FBXL13: variants seen among roughly 807,000 people sequenced by gnomAD.
FBXL13 encodes the protein F-box and leucine rich repeat protein 13.
Under a neutral mutation model 83.6 loss-of-function variants are expected in FBXL13, and 67 were observed. That is an observed-to-expected ratio of 0.80 (90% CI 0.66 to 0.98). The LOEUF is 0.98. FBXL13 is among the 50% of genes least tolerant of loss of function. FBXL13 has a pLI of 0.00. For synonymous variants in FBXL13, 272 were observed against 299.5 expected, an observed-to-expected ratio of 0.91 and a Z score of 0.95; for missense variants, 822 against 866.5, an observed-to-expected ratio of 0.95 and a Z score of 0.64.
intron 8 of FBXL13, chr7:102,934,103 T>C: frequency 6.2e-7 from 1 of 1,614,108 alleles, no homozygotes; most frequent in South Asian, 1.1e-5. Context: ...CCATGAGAAA[T>C]ACTTAGATTG....
In FBXL13 at chr7:102,897,645, G is replaced by T. The variant is rs370807222; in HGVS notation, c.1009-13333C>A. Among the ~76,000 whole-genome samples the T allele has an allele frequency of 5.9e-5, 9 of 152,250 alleles. No homozygotes were observed. The East Asian group carries it at 1.5e-3, about 26-fold the overall frequency. On this transcript the variant is annotated intron_variant, in intron 11 of 19. Coordinates refer to ENST00000313221, the Ensembl canonical transcript of FBXL13. The stretch of plus-strand genomic sequence containing the variant: ...AATAAATCCAATGTGAAATAAAATA[G>T]AAATCCCTGGTTATGTTTTTTCCCT...
chr7:102,922,549 T>G (rs1182481179), intron 10 of FBXL13, among the ~76,000 whole-genome samples: 1 of 152,184 alleles, frequency 6.6e-6, no homozygotes, highest in Non-Finnish European at 1.5e-5. Flanking sequence ...AGCACGCAAC[T>G]TACAAATGAT....
At chr7:102,831,998 T>C (rs1275209002) in intron 18 of FBXL13, among the ~76,000 whole-genome samples, 4 of 152,196 alleles carry the variant, frequency 2.6e-5, no homozygotes, top group African/African-American at 9.7e-5. Context: ...AAAGTATGAT[T>C]CTATTATTTT....
At chr7:102,880,512 A>G (rs1460100856) in intron 14 of FBXL13, among the ~76,000 whole-genome samples, 1 of 152,112 alleles carries the variant, frequency 6.6e-6, no homozygotes, top group African/African-American at 2.4e-5. Context: ...GATAAATCTA[A>G]TTGTTTTATT....
At chr7:102,878,373 C>A in exon 15 of FBXL13, 1 of 1,610,284 alleles carries the variant, frequency 6.2e-7, no homozygotes, top group South Asian at 1.1e-5. Flanking sequence ...TAGCCGCACA[C>A]AGTTGCTTAA....
intron 8 of FBXL13, 90 bp from the exon 10 acceptor site, chr7:102,932,023 T>A (rs1819278267): frequency 8.4e-6 from 10 of 1,190,724 alleles, no homozygotes; most frequent in Non-Finnish European, 1.2e-5. Flanking sequence ...AATGTATTCA[T>A]TAGAAAACAA....
At chr7:103,027,670 G>T in intron 4 of FBXL13, 112 bp from the exon 6 acceptor site, 1 of 624,086 alleles carries the variant, frequency 1.6e-6, no homozygotes. Context: ...GCATCTGATC[G>T]TTTTTGTTTG....
intron 11 of FBXL13, among the ~76,000 whole-genome samples, chr7:102,887,743 T>A (rs975623761): frequency 6.6e-6 from 1 of 152,146 alleles, no homozygotes; most frequent in Non-Finnish European, 1.5e-5. Context: ...GTTTATCACA[T>A]CTCAAAAATA....
At position 102,883,653 on chromosome 7, in the gene FBXL13, C is replaced by G. The variant is rs145751033; in HGVS notation, c.1140G>C (p.Ser380=). The G allele has an allele frequency of 6.8e-6, 11 of 1,609,284 alleles. No individual in the cohort carries two copies. The African/African-American group carries it at 1.5e-4, about 22-fold the overall frequency. The change falls in exon 13 of 20, where the codon TCG becomes TCC. Residue 380 remains serine, a synonymous_variant. Coordinates refer to ENST00000313221, the Ensembl canonical transcript of FBXL13. Reference sequence around the variant, plus strand: ...TATGCGGTGCACCAGTGAAAACCAGCGATGTAATACGAGAGCATTTTTCAA... The same window carrying G: ...TATGCGGTGCACCAGTGAAAACCAGGGATGTAATACGAGAGCATTTTTCAA...
chr7:102,957,893 C>G, intron 8 of FBXL13, among the ~76,000 whole-genome samples: 1 of 152,110 alleles, frequency 6.6e-6, no homozygotes, highest in Non-Finnish European at 1.5e-5. Flanking sequence ...ACAACAGATG[C>G]TGGAGAGGAT....
chr7:102,980,411 G>A (rs925039714), intron 6 of FBXL13, among the ~76,000 whole-genome samples: 1 of 152,188 alleles, frequency 6.6e-6, no homozygotes, highest in Non-Finnish European at 1.5e-5. Flanking sequence ...AAATGTAAAA[G>A]AATGAGTTTG....
chr7:102,915,156 G>A (rs894423352), intron 10 of FBXL13, among the ~76,000 whole-genome samples: 6 of 143,724 alleles, frequency 4.2e-5, no homozygotes, highest in Non-Finnish European at 7.5e-5. Context: ...CTGATCAACT[G>A]TGGGGCCTCC....
At chr7:102,832,896 C>T in exon 18 of FBXL13, 1 of 1,614,214 alleles carries the variant, frequency 6.2e-7, no homozygotes, top group Non-Finnish European at 8.5e-7. Flanking sequence ...ATGGCCAGTG[C>T]TTTGATAATC....
chr7:103,019,348 C>A (rs1792822397), intron 6 of FBXL13, among the ~76,000 whole-genome samples: 1 of 152,174 alleles, frequency 6.6e-6, no homozygotes, highest in Non-Finnish European at 1.5e-5. Flanking sequence ...ATTTATAGCA[C>A]TAAATGCCCA....
chr7:103,037,763 T>C (rs1047715619), intron 2 of FBXL13, among the ~76,000 whole-genome samples: 2 of 152,046 alleles, frequency 1.3e-5, no homozygotes, highest in African/African-American at 2.4e-5. Context: ...ACTATGATCA[T>C]GCCACTGCAC....
intron 12 of FBXL13, 106 bp from the exon 14 acceptor site, chr7:102,883,791 G>T: frequency 1.5e-6 from 1 of 658,934 alleles, no homozygotes; most frequent in Non-Finnish European, 2.6e-6. Flanking sequence ...CATGTTAACT[G>T]TTAATTTTCC....
chr7:103,060,018 T>TATA (rs1797700033), intron 1 of FBXL13, among the ~76,000 whole-genome samples: 1 of 58,354 alleles, frequency 1.7e-5, no homozygotes, highest in Non-Finnish European at 3.4e-5. Context: ...TAGCAAGATA[T>TATA]TTTATATATA....
chr7:102,883,484 GAAGAA>G lies in FBXL13; in HGVS notation c.1226-22_1226-18del, dbSNP rs772014502. 32 of 1,602,036 alleles carry G rather than the reference GAAGAA, an allele frequency of 2.0e-5. No homozygotes were observed. The African/African-American group carries it at 2.3e-4, about 11-fold the overall frequency. On this transcript the variant is annotated intron_variant, in intron 13 of 19. Coordinates refer to ENST00000313221, the Ensembl canonical transcript of FBXL13. ...TTTTATTTCCTGTTTTTAAAAAACA[GAAGAA>G]AAGACAAGTATTGTATTTAGAATGC... is the stretch of plus-strand genomic sequence containing the variant.
chr7:103,027,950 A>T (rs1480584636), intron 4 of FBXL13, among the ~76,000 whole-genome samples: 1 of 152,220 alleles, frequency 6.6e-6, no homozygotes, highest in Non-Finnish European at 1.5e-5. Context: ...ACCAGTTCCT[A>T]ACCCTTCGTT....
Sources: allele counts gnomAD v4.1 joint callset (sites outside exome capture counted in the v4.1 genomes callset), GRCh38; gene constraint gnomAD v4.1.1; transcripts MANE v1.5; gene names NCBI Gene and HGNC (gene_info 2026-07-23, HGNC 2026-07-21).